The following GRAMD1B variants were observed in gnomAD, a reference collection of about 807,000 sequenced individuals.
The protein encoded by GRAMD1B is GRAM domain containing 1B.
GRAMD1B carries 37 observed loss-of-function variants against 99.7 expected under a neutral mutation model. That is an observed-to-expected ratio of 0.37 (90% CI 0.29 to 0.49). The LOEUF (loss-of-function observed/expected upper bound fraction) is 0.49. GRAMD1B is among the 20% of genes least tolerant of loss of function. The probability of loss-of-function intolerance (pLI) is 0.98; values close to 1 mark genes in which losing one functional copy is unlikely to be tolerated. For missense variants in GRAMD1B, 888 were observed against 1,009.2 expected (o/e 0.88, Z 1.63); for synonymous variants, 427 against 387.6 (o/e 1.10, Z -1.19).
intron 1 of GRAMD1B, among the ~76,000 whole-genome samples, chr11:123,433,878 A>G (rs1034639769): frequency 6.6e-6 from 1 of 152,044 alleles, no homozygotes; most frequent in African/African-American, 2.4e-5. Context: ...ATTTGGCAGG[A>G]TTTTCATCTA....
At chr11:123,604,134 A>G (rs1049602692) in intron 9 of GRAMD1B, among the ~76,000 whole-genome samples, 3 of 152,198 alleles carry the variant, frequency 2.0e-5, no homozygotes, top group Admixed American at 2.0e-4. Context: ...TGAAATTGAG[A>G]TGCCTGTTAG....
At position 123,594,102 on chromosome 11, in the gene GRAMD1B, G is replaced by A. The variant is rs1238468599; in HGVS notation, c.705G>A (p.Lys235=). The A allele has an allele frequency of 6.2e-7, 1 of 1,613,166 alleles. No homozygotes were observed. The highest frequency in any genetic ancestry group is 8.5e-7 in the Non-Finnish European group (1 of 1,179,116). ...SWYNVLSPTY[K]QRNEDFRKLF... is the part of the protein sequence containing the mutation. The stretch of plus-strand genomic sequence containing the variant: ...CGCAGGTGTTAAGCCCCACCTACAA[G>A]CAGAGAAATGAAGACTTCAGAAAGC... Residue 235 remains lysine, a synonymous_variant, in exon 5 of 20, where the codon AAG becomes AAA. Coordinates refer to ENST00000635736, the MANE Select transcript of GRAMD1B (RefSeq NM_001387025.1).
chr11:123,494,541 C>T (rs1472340571), intron 2 of GRAMD1B, among the ~76,000 whole-genome samples: 1 of 151,980 alleles, frequency 6.6e-6, no homozygotes, highest in Non-Finnish European at 1.5e-5. Context: ...TCCTCTTTAG[C>T]AGTCCTGGCT....
rs1240831737 is a variant in GRAMD1B, at chr11:123,430,766, A to T, written c.-27A>T. On this transcript the variant is annotated 5_prime_UTR_variant, in exon 1 of 20. Transcript: ENST00000635736. ...GAACCAGGCCGCTGGCGGAGGGCTCAGGGGGAGCGCAGAGGCGACGGCCCC... is the reference window on the plus strand; with the variant it reads ...GAACCAGGCCGCTGGCGGAGGGCTCTGGGGGAGCGCAGAGGCGACGGCCCC... 1.5e-6 allele frequency: 1 copy of T among 649,408 alleles called. No homozygotes were observed. Among genetic ancestry groups the T allele is most frequent in the East Asian group, 2.7e-5 (1 of 36,558 alleles). The allele number at this position is 649,408 out of a possible 1,614,324, so 40.2% of individuals were successfully genotyped here.
rs1378104489 is a variant in GRAMD1B at position 123,587,236 on chromosome 11, C to A, written c.684+2904C>A. Among the ~76,000 whole-genome samples, 1 of 152,162 alleles carries A rather than the reference C, an allele frequency of 6.6e-6. No individual in the cohort carries two copies. The highest frequency in any genetic ancestry group is 2.4e-5 in the African/African-American group (1 of 41,436). ...CATGCGGAGGCAAGTGGCTGGACCC[C>A]AGGGACACAGGGAGAGGCCATAGCA... On this transcript the variant is annotated intron_variant, in intron 4 of 19. Coordinates refer to ENST00000635736, the MANE Select transcript of GRAMD1B (RefSeq NM_001387025.1). The surrounding 1 kb of genome is among the most constrained non-coding windows in gnomAD (Gnocchi z 4.2).
intron 1 of GRAMD1B, among the ~76,000 whole-genome samples, chr11:123,412,079 G>A (rs900780987): frequency 1.3e-5 from 2 of 151,976 alleles, no homozygotes; most frequent in Non-Finnish European, 2.9e-5. Flanking sequence ...TACATAATGT[G>A]GTAAGTGTAT....
At chr11:123,519,607 C>T (rs1476048877) in intron 2 of GRAMD1B, among the ~76,000 whole-genome samples, 2 of 152,210 alleles carry the variant, frequency 1.3e-5, no homozygotes, top group Non-Finnish European at 2.9e-5. Context: ...ACTGCTCTGC[C>T]CCAGATTTCC....
At chr11:123,588,453 A>G (rs1471494532) in intron 4 of GRAMD1B, among the ~76,000 whole-genome samples, 1 of 151,956 alleles carries the variant, frequency 6.6e-6, no homozygotes, top group East Asian at 1.9e-4. Flanking sequence ...CTCACCCCTT[A>G]CAGCTCAGGC....
At chr11:123,582,831 G>C (rs993403770) in intron 3 of GRAMD1B, among the ~76,000 whole-genome samples, 6 of 152,210 alleles carry the variant, frequency 3.9e-5, no homozygotes, top group Non-Finnish European at 8.8e-5. Context: ...GGCTACTCTT[G>C]TCTGCCCTTC....
At chr11:123,415,095 C>CTTTTTTTTTTTTTTTTTTTTT (rs1175202539) in intron 1 of GRAMD1B, among the ~76,000 whole-genome samples, 8 of 75,816 alleles carry the variant, frequency 1.1e-4, no homozygotes, top group Admixed American at 1.7e-4. Flanking sequence ...CTTTTTCTTT[C>CTTTTTTTTTTTTTTTTTTTTT]TTTTTTTTTT....
At position 123,494,599 on chromosome 11, in the gene GRAMD1B, G is replaced by A. The variant is rs978509825; in HGVS notation, c.452+13706G>A. Among the ~76,000 whole-genome samples, 4 of 152,222 alleles carry A rather than the reference G, an allele frequency of 2.6e-5. 1 individual carries two copies. Among genetic ancestry groups the A allele is most frequent in the Admixed American group, 2.6e-4 (4 of 15,294 alleles). On this transcript the variant is annotated intron_variant, in intron 2 of 19. Transcript: ENST00000635736. ...CTGTCTGCAGGTGTAACCATCACCT[G>A]CTCTGTTTCTCCTACTCTAGCCCTT...
chr11:123,515,872 A>G (rs1018913084), intron 2 of GRAMD1B, among the ~76,000 whole-genome samples: 1 of 152,042 alleles, frequency 6.6e-6, no homozygotes, highest in Admixed American at 6.6e-5. Flanking sequence ...GGCTCCAGCA[A>G]TCCTCCTGCC....
At chr11:123,592,846 CTTGATT>C (rs1486083555) in intron 4 of GRAMD1B, among the ~76,000 whole-genome samples, 2 of 152,294 alleles carry the variant, frequency 1.3e-5, no homozygotes, top group East Asian at 3.9e-4. Context: ...AGGTTTTGCA[CTTGATT>C]TCATCTGTCA....
chr11:123,594,195 G>A, intron 5 of GRAMD1B, 29 bp downstream of exon 5: 2 of 1,503,004 alleles, frequency 1.3e-6, no homozygotes, highest in South Asian at 2.2e-5. Flanking sequence ...GAGGGGATGG[G>A]AAGGAAGTCT....
intron 1 of GRAMD1B, among the ~76,000 whole-genome samples, chr11:123,476,249 C>A (rs1308322795): frequency 6.6e-6 from 1 of 152,036 alleles, no homozygotes; most frequent in Admixed American, 6.6e-5. Flanking sequence ...TATAGGCGTG[C>A]ACCATCACAC....
chr11:123,502,431 G>A (rs1422641398), intron 2 of GRAMD1B, among the ~76,000 whole-genome samples: 8 of 152,072 alleles, frequency 5.3e-5, no homozygotes, highest in Non-Finnish European at 1.0e-4. Flanking sequence ...CCATTAATCC[G>A]GTGGCTTCTC....
At chr11:123,535,258 A>C (rs1319826912) in intron 2 of GRAMD1B, among the ~76,000 whole-genome samples, 1 of 151,468 alleles carries the variant, frequency 6.6e-6, no homozygotes, top group African/African-American at 2.4e-5. Context: ...AAAAAATCTC[A>C]TACAACCTTA....
At chr11:123,446,431 G>A (rs1949649229) in intron 1 of GRAMD1B, among the ~76,000 whole-genome samples, 1 of 152,096 alleles carries the variant, frequency 6.6e-6, no homozygotes, top group Non-Finnish European at 1.5e-5. Flanking sequence ...CTCCCAAACT[G>A]CTGGGATTAG....
chr11:123,370,382 C>T (rs1167144541), intron 1 of GRAMD1B, among the ~76,000 whole-genome samples: 4 of 147,044 alleles, frequency 2.7e-5, no homozygotes, highest in Admixed American at 1.3e-4. Flanking sequence ...ACTCTGTCGC[C>T]CAGGCTGGAG....
Sources: gnomAD v4.1 joint callset for allele counts (sites outside exome capture counted in the v4.1 genomes callset) on GRCh38, gnomAD v4.1.1 for gene constraint, Gnocchi (gnomAD v3.1) non-coding constraint, MANE v1.5 for transcripts, NCBI Gene and HGNC (gene_info 2026-07-23, HGNC 2026-07-21) for gene names.